ARHGEF38: variants seen among roughly 807,000 people sequenced by gnomAD.
ARHGEF38 encodes the protein Rho guanine nucleotide exchange factor (GEF) 38.
Under a neutral mutation model 79.9 loss-of-function variants are expected in ARHGEF38, and 79 were observed. The ratio of observed to expected loss-of-function variants is 0.99; its 90% CI spans 0.82 to 1.19. The LOEUF (loss-of-function observed/expected upper bound fraction) is 1.19. Ranked by LOEUF, ARHGEF38 falls within the 50% of genes most tolerant of loss-of-function variation. The pLI is 0.00. For synonymous variants in ARHGEF38, 366 were observed against 328.3 expected (o/e 1.11, Z -1.24); for missense variants, 962 against 907.2 (o/e 1.06, Z -0.78).
intron 1 of ARHGEF38, chr4:105,570,125 A>C (rs750473594): frequency 2.6e-5 from 4 of 152,190 alleles, no homozygotes; most frequent in Non-Finnish European, 5.9e-5. Flanking sequence ...ATATTCTATG[A>C]ATCACTGAAT....
intron 2 of ARHGEF38, among the ~76,000 whole-genome samples, chr4:105,598,896 A>C (rs1481325541): frequency 6.6e-6 from 1 of 152,222 alleles, no homozygotes; most frequent in Non-Finnish European, 1.5e-5. Context: ...TTAAATTTAA[A>C]AATAAAAGTC....
intron 1 of ARHGEF38, among the ~76,000 whole-genome samples, chr4:105,577,617 G>C (rs545761550): frequency 2.0e-5 from 3 of 151,918 alleles, no homozygotes; most frequent in Non-Finnish European, 4.4e-5. Flanking sequence ...CTGCTTATCG[G>C]TCTAATCAGG....
intron 10 of ARHGEF38, among the ~76,000 whole-genome samples, chr4:105,662,273 T>C (rs75728738): frequency 0.03 from 4,614 of 152,266 alleles, 247 homozygotes; most frequent in African/African-American, 0.11. Context: ...TTCTCCTTAA[T>C]TTCTAGCAGC....
intron 10 of ARHGEF38, among the ~76,000 whole-genome samples, chr4:105,662,816 T>G (rs1449219772): frequency 1.3e-5 from 2 of 152,318 alleles, no homozygotes; most frequent in African/African-American, 4.8e-5. Context: ...TTTAGGTATC[T>G]TTGATCCCCA....
intron 1 of ARHGEF38, among the ~76,000 whole-genome samples, chr4:105,566,960 T>A (rs1725952000): frequency 6.6e-6 from 1 of 151,828 alleles, no homozygotes; most frequent in South Asian, 2.1e-4. Flanking sequence ...TCCATGTTGG[T>A]CAGGCTGGTC....
intron 2 of ARHGEF38, among the ~76,000 whole-genome samples, chr4:105,597,208 C>T (rs1053063502): frequency 2.0e-5 from 3 of 151,824 alleles, no homozygotes; most frequent in East Asian, 3.9e-4. Context: ...CAAAATATAG[C>T]CAGTTTTCCT....
chr4:105,631,395 C>T (rs990298262), intron 4 of ARHGEF38: 2 of 996,326 alleles, frequency 2.0e-6, no homozygotes. Context: ...CACGTGGCCC[C>T]ATGACCACTG....
At chr4:105,625,516 C>T (rs1439638087) in intron 3 of ARHGEF38, among the ~76,000 whole-genome samples, 1 of 152,218 alleles carries the variant, frequency 6.6e-6, no homozygotes, top group Non-Finnish European at 1.5e-5. Context: ...CAGCTCACAG[C>T]TCCACTCACC....
At chr4:105,601,520 G>A (rs1727821080) in intron 2 of ARHGEF38, among the ~76,000 whole-genome samples, 1 of 152,068 alleles carries the variant, frequency 6.6e-6, no homozygotes, top group Non-Finnish European at 1.5e-5. Context: ...TTAATGAGTG[G>A]GTTAACTCTG....
chr4:105,634,120 A>G (rs913548556), intron 4 of ARHGEF38, among the ~76,000 whole-genome samples: 1 of 152,190 alleles, frequency 6.6e-6, no homozygotes, highest in African/African-American at 2.4e-5. Flanking sequence ...CCAAAAAAAA[A>G]TACTATTTCT....
At chr4:105,584,679 A>T (rs1303263570) in intron 1 of ARHGEF38, among the ~76,000 whole-genome samples, 1 of 152,180 alleles carries the variant, frequency 6.6e-6, no homozygotes, top group Non-Finnish European at 1.5e-5. Flanking sequence ...TTCTATGTCT[A>T]TCTATATATA....
intron 4 of ARHGEF38, among the ~76,000 whole-genome samples, chr4:105,635,241 CAA>C (rs35258865): frequency 0.028 from 4,292 of 152,054 alleles, 96 homozygotes; most frequent in Non-Finnish European, 0.044. Flanking sequence ...TTAGCTTCTG[CAA>C]AGTTTCAGCC....
intron 1 of ARHGEF38, among the ~76,000 whole-genome samples, chr4:105,561,397 GAATAATAGAAT>G (rs1725522826): frequency 5.5e-5 from 2 of 36,416 alleles, no homozygotes; most frequent in Non-Finnish European, 1.2e-4. Flanking sequence ...AAATAGAGTA[GAATAATAGAAT>G]AGAATAGAAT....
At position 105,677,866 on chromosome 4, in the gene ARHGEF38, T is replaced by C. The variant is rs1009874136; in HGVS notation, c.2263T>C (p.Trp755Arg). 3.3e-6 allele frequency: 5 copies of C among 1,535,226 alleles called. No individual in the cohort carries two copies. Among genetic ancestry groups the C allele is most frequent in the Non-Finnish European group, 4.4e-6 (5 of 1,146,244 alleles). The change falls in exon 14 of 14, where the codon TGG (tryptophan) becomes CGG (arginine). Residue 755 changes from tryptophan (W) to arginine (R), a missense_variant. Transcript: ENST00000420470. ...TGACCTAAGTGGCAATAAAGAGTGG[T>C]GGTTAGCTGAAGCTCAAGGGCAGAA... Reference protein sequence around the residue: ...FCDLSGNKEWWLAEAQGQKGY... With the variant: ...FCDLSGNKEWRLAEAQGQKGY...
chr4:105,608,656 A>G (rs1336420260), intron 2 of ARHGEF38, among the ~76,000 whole-genome samples: 3 of 151,970 alleles, frequency 2.0e-5, no homozygotes, highest in African/African-American at 7.2e-5. Context: ...TTGAAACATA[A>G]CAATAAATTA....
At chr4:105,607,143 A>C (rs1372545403) in intron 2 of ARHGEF38, among the ~76,000 whole-genome samples, 1 of 152,112 alleles carries the variant, frequency 6.6e-6, no homozygotes, top group African/African-American at 2.4e-5. Context: ...GCCTATAAAC[A>C]GGCATGTCGC....
rs118110911 is a variant in ARHGEF38, at chr4:105,675,527, C to G, written c.2149-2225C>G. Among the ~76,000 whole-genome samples the G allele has an allele frequency of 2.7e-4, 41 of 152,198 alleles. 1 individual carries two copies. The East Asian group carries it at 7.7e-3, about 29-fold the overall frequency. ...ATGATGTCTTGTATGATATCCATGC[C>G]TTTCAATAAATATTTGAATATTCCT... On this transcript the variant is annotated intron_variant, in intron 13 of 13. Transcript: ENST00000420470.
chr4:105,655,569 T>C, intron 8 of ARHGEF38, 34 bp from the exon 9 acceptor site: 2 of 1,532,836 alleles, frequency 1.3e-6, no homozygotes, highest in Non-Finnish European at 1.7e-6. Context: ...ACCTCAAAAC[T>C]TGCCTTTTTT....
intron 4 of ARHGEF38, chr4:105,631,559 TA>T: frequency 1.0e-6 from 1 of 985,446 alleles, no homozygotes; most frequent in Non-Finnish European, 1.2e-6. Flanking sequence ...TTCTCATCCC[TA>T]AAACATTGGT....
Sources: allele counts gnomAD v4.1 joint callset (sites outside exome capture counted in the v4.1 genomes callset), GRCh38; gene constraint gnomAD v4.1.1; transcripts MANE v1.5; gene names NCBI Gene and HGNC (gene_info 2026-07-23, HGNC 2026-07-21).